The following NPLOC4 variants were observed in gnomAD, a reference collection of about 807,000 sequenced individuals.
NPLOC4 encodes the protein nuclear protein localization protein 4 homolog.
In NPLOC4, 18 loss-of-function variants were observed where a neutral mutation model predicts 80.6. The ratio of observed to expected loss-of-function variants is 0.22; its 90% CI spans 0.15 to 0.33. NPLOC4 has a LOEUF of 0.33. Ranked by LOEUF, NPLOC4 falls within the 10% of genes least tolerant of loss-of-function variation. NPLOC4 has a pLI of 1.00. For missense variants in NPLOC4, 540 were observed against 786.1 expected (o/e 0.69, Z 3.74); for synonymous variants, 313 against 301.5 (o/e 1.04, Z -0.39).
intron 11 of NPLOC4, among the ~76,000 whole-genome samples, chr17:81,594,074 C>T (rs2034821380): frequency 6.6e-6 from 1 of 151,758 alleles, no homozygotes; most frequent in Non-Finnish European, 1.5e-5. Context: ...GAGATCGAGA[C>T]CATCCTGGCT....
chr17:81,592,912 G>C (rs1229645729), intron 11 of NPLOC4, among the ~76,000 whole-genome samples: 1 of 152,180 alleles, frequency 6.6e-6, no homozygotes, highest in Non-Finnish European at 1.5e-5. Flanking sequence ...TGAACCCGGA[G>C]GCAGAAGTTG....
At chr17:81,563,798 TC>T (rs1419556580) in intron 16 of NPLOC4, 1 of 366,414 alleles carries the variant, frequency 2.7e-6, no homozygotes, top group Admixed American at 3.6e-5. Context: ...TGAAATCATG[TC>T]CTTTGCAGCA....
At position 81,629,192 on chromosome 17, in the gene NPLOC4, C is replaced by CTT. The variant is rs141999520; in HGVS notation, c.96+531_96+532dup. ...TGCGCCTGGCCACTCTTATGAAATA[C>CTT]TTTTTTTTTTTTTTTTTTGAGATGG... is the stretch of plus-strand genomic sequence containing the variant. On this transcript the variant is annotated intron_variant, in intron 2 of 16. Transcript: ENST00000331134. 2.3e-3 allele frequency among the ~76,000 whole-genome samples: 266 copies of CTT among 115,718 alleles called. 8 individuals are homozygous for CTT. The highest frequency in any genetic ancestry group is 4.5e-3 in the South Asian group (15 of 3,366). 75.9% of individuals were successfully genotyped at this position (115,718 alleles called of 152,430 possible).
At chr17:81,583,575 G>A (rs564012136) in intron 12 of NPLOC4, among the ~76,000 whole-genome samples, 4 of 152,266 alleles carry the variant, frequency 2.6e-5, no homozygotes, top group East Asian at 1.9e-4. Flanking sequence ...CTAGTCCCTC[G>A]GGAAGCTCCT....
intron 16 of NPLOC4, among the ~76,000 whole-genome samples, chr17:81,561,454 A>G (rs2033845807): frequency 1.3e-5 from 2 of 152,234 alleles, no homozygotes; most frequent in Admixed American, 6.5e-5. Context: ...TGTTTTGTTT[A>G]GATAAATTTA....
intron 12 of NPLOC4, among the ~76,000 whole-genome samples, chr17:81,576,741 T>C (rs2034313322): frequency 6.6e-6 from 1 of 152,140 alleles, no homozygotes; most frequent in Admixed American, 6.5e-5. Flanking sequence ...AATACTTAAG[T>C]GCACACAGAG....
intron 2 of NPLOC4, among the ~76,000 whole-genome samples, chr17:81,629,463 C>T (rs140396056): frequency 4.6e-5 from 7 of 152,292 alleles, no homozygotes; most frequent in African/African-American, 1.7e-4. Context: ...GCTGGGATTA[C>T]AGGTGTGAGC....
chr17:81,623,449 A>G (rs1314862066), intron 2 of NPLOC4, among the ~76,000 whole-genome samples: 6 of 126,640 alleles, frequency 4.7e-5, no homozygotes, highest in South Asian at 3.0e-4. Flanking sequence ...TGGGTGACAG[A>G]GCAAGACTTT....
intron 1 of NPLOC4, among the ~76,000 whole-genome samples, chr17:81,630,889 T>G (rs2035910885): frequency 1.3e-5 from 2 of 149,678 alleles, no homozygotes; most frequent in Admixed American, 1.3e-4. Context: ...AAAAAGAGAT[T>G]AGGCTGGGCA....
Position 81,572,997 on chromosome 17 carries a change from T to C in NPLOC4, c.1282-909A>G, listed in dbSNP as rs982011925. Among the ~76,000 whole-genome samples, 1 of 152,264 alleles carries C rather than the reference T, an allele frequency of 6.6e-6. No homozygotes were observed. The highest frequency in any genetic ancestry group is 1.9e-4 in the East Asian group (1 of 5,186). On this transcript the variant is annotated intron_variant, in intron 12 of 16. Coordinates refer to ENST00000331134, the MANE Select transcript of NPLOC4 (RefSeq NM_017921.4). This position sits in a 1 kb window ranked among gnomAD's most constrained non-coding sequence, Gnocchi z 4.5. ...ATGCACAGAACATAAAGTTTAATTA[T>C]GGGGAAAAACGGCCAGCATATGTTC...
chr17:81,610,271 C>T lies in NPLOC4; in HGVS notation c.387-13G>A, dbSNP rs1830741547. The T allele has an allele frequency of 6.4e-7, 1 of 1,566,690 alleles. No individual in the cohort carries two copies. Among genetic ancestry groups the T allele is most frequent in the African/African-American group, 1.4e-5 (1 of 73,702 alleles). On this transcript the variant is annotated splice_polypyrimidine_tract_variant and intron_variant, in intron 4 of 16. Transcript: ENST00000331134. The stretch of plus-strand genomic sequence containing the variant: ...GCCGTGGCGGCATCTGAGGAGAGTA[C>T]AAGGCAGAAAAAGGCAGAGCAGTGA...
At chr17:81,630,990 T>C (rs376072453) in intron 1 of NPLOC4, among the ~76,000 whole-genome samples, 1 of 150,012 alleles carries the variant, frequency 6.7e-6, no homozygotes, top group Non-Finnish European at 1.5e-5. Context: ...CTGGCCAACA[T>C]GGTGAAACCC....
intron 12 of NPLOC4, among the ~76,000 whole-genome samples, chr17:81,575,953 G>C (rs2034286467): frequency 6.6e-6 from 1 of 152,222 alleles, no homozygotes; most frequent in Non-Finnish European, 1.5e-5. Flanking sequence ...GAGTGAAAAG[G>C]CTTGTTTTAA....
intron 12 of NPLOC4, among the ~76,000 whole-genome samples, chr17:81,581,298 G>A (rs556600641): frequency 7.4e-6 from 1 of 134,362 alleles, no homozygotes; most frequent in South Asian, 2.4e-4. Flanking sequence ...GTAGTGAGCC[G>A]AGATTGGGCC....
At chr17:81,597,377 G>A (rs984275879) in intron 9 of NPLOC4, 61 bp from the exon 10 acceptor site, 23 of 1,335,862 alleles carry the variant, frequency 1.7e-5, no homozygotes, top group Middle Eastern at 1.8e-4. Context: ...ATGGCTGGGC[G>A]CAGTGACTCA....
At chr17:81,582,500 A>C (rs2034470276) in intron 12 of NPLOC4, among the ~76,000 whole-genome samples, 1 of 152,180 alleles carries the variant, frequency 6.6e-6, no homozygotes, top group Admixed American at 6.5e-5. Context: ...CTCCTGGGCT[A>C]AAGAGATCCT....
rs575389249 is a variant in NPLOC4 at position 81,558,661 on chromosome 17, C to T, written c.*598G>A. ...TATAACCAATGCAGACTTTAAAATC[C>T]CACCTGGACATCGGGTGAGAGGAGG... On this transcript the variant is annotated 3_prime_UTR_variant, in exon 17 of 17. Transcript: ENST00000331134. 2.6e-5 allele frequency: 4 copies of T among 152,196 alleles called. No individual in the cohort carries two copies. The highest frequency in any genetic ancestry group is 5.9e-5 in the Non-Finnish European group (4 of 68,080). 9.4% of individuals were successfully genotyped at this position (152,196 alleles called of 1,614,324 possible). A position where few individuals can be genotyped will look rare whatever the true frequency, so the allele number is the denominator to read the frequency against.
In NPLOC4 at chr17:81,567,635, G is replaced by C; in HGVS notation, c.1450-102C>G. On this transcript the variant is annotated intron_variant, in intron 14 of 16. Transcript: ENST00000331134. The surrounding 1 kb of genome is among the most constrained non-coding windows in gnomAD (Gnocchi z 4.5). ...TAAGACGCAACTCAATACACTGAAT[G>C]CTGAGACACCTCTCCCTCTGCCTCT... The C allele has an allele frequency of 1.4e-6, 1 of 694,860 alleles. No homozygotes were observed. Among genetic ancestry groups the C allele is most frequent in the South Asian group, 1.7e-5 (1 of 57,860 alleles). 43.0% of individuals were successfully genotyped at this position (694,860 alleles called of 1,614,324 possible). A position where few individuals can be genotyped will look rare whatever the true frequency, so the allele number is the denominator to read the frequency against.
At position 81,567,324 on chromosome 17, in the gene NPLOC4, T is replaced by C. The variant is rs1334336370; in HGVS notation, c.1566+93A>G. The C allele has an allele frequency of 7.9e-6, 6 of 764,182 alleles. No individual in the cohort carries two copies. Among genetic ancestry groups the C allele is most frequent in the Non-Finnish European group, 1.3e-5 (6 of 444,912 alleles). 47.3% of individuals were successfully genotyped at this position (764,182 alleles called of 1,614,324 possible). On this transcript the variant is annotated intron_variant, in intron 15 of 16. Transcript: ENST00000331134. The surrounding 1 kb of genome is among the most constrained non-coding windows in gnomAD (Gnocchi z 4.5). ...GAGCTTTGACCCAGTTTCCCAATCA[T>C]GCTCTGGTCTGGGAGGAAAGAAAGC... is the stretch of plus-strand genomic sequence containing the variant.
Sources: allele counts gnomAD v4.1 joint callset (sites outside exome capture counted in the v4.1 genomes callset), GRCh38; gene constraint gnomAD v4.1.1; non-coding constraint Gnocchi (gnomAD v3.1); transcripts MANE v1.5; gene names NCBI Gene and HGNC (gene_info 2026-07-23, HGNC 2026-07-21).